TPM4: variants seen among roughly 807,000 people sequenced by gnomAD.
The protein encoded by TPM4 is tropomyosin 4.
In TPM4, 17 loss-of-function variants were observed where a neutral mutation model predicts 35.8. The ratio of observed to expected loss-of-function variants is 0.47; its 90% CI spans 0.32 to 0.71. The LOEUF (loss-of-function observed/expected upper bound fraction) is 0.71, where lower values mean the gene tolerates loss of function less well. Ranked by LOEUF, TPM4 falls within the 30% of genes least tolerant of loss-of-function variation. The pLI is 0.03. For missense variants in TPM4, 240 were observed against 320.9 expected, an observed-to-expected ratio of 0.75 and a Z score of 1.93; for synonymous variants, 120 against 122.9, an observed-to-expected ratio of 0.98 and a Z score of 0.15.
chr19:16,096,524 G>T (rs950731980), intron 7 of TPM4, among the ~76,000 whole-genome samples: 2 of 152,214 alleles, frequency 1.3e-5, no homozygotes, highest in Non-Finnish European at 2.9e-5. Flanking sequence ...GATTCAAACA[G>T]CGGCAGTGAC....
chr19:16,096,488 T>C (rs2090698934), intron 7 of TPM4, among the ~76,000 whole-genome samples: 1 of 152,228 alleles, frequency 6.6e-6, no homozygotes, highest in Non-Finnish European at 1.5e-5. Flanking sequence ...AAAATGAGGC[T>C]CCCCTTGAAT....
rs144078371 is a variant in TPM4, at chr19:16,089,222, A to G, written c.531+102A>G. On this transcript the variant is annotated intron_variant, in intron 5 of 7. Coordinates refer to ENST00000643579, the MANE Select transcript of TPM4 (RefSeq NM_003290.3). ...TCAGGTTATGGGGAATCTGCCCTTTATTTAACAGTAGCGTTGGTGCCTGGC... is the reference window on the plus strand; with the variant it reads ...TCAGGTTATGGGGAATCTGCCCTTTGTTTAACAGTAGCGTTGGTGCCTGGC... 6.5e-5 allele frequency: 97 copies of G among 1,481,036 alleles called. No homozygotes were observed. In the African/African-American group the frequency reaches 1.1e-3, roughly 17 times the overall value. The allele number at this position is 1,481,036 out of a possible 1,614,324, so 91.7% of individuals were successfully genotyped here.
At chr19:16,087,941 GGGC>G (rs2090577960) in intron 3 of TPM4, 83 bp from the exon 4 acceptor site, 5 of 1,395,544 alleles carry the variant, frequency 3.6e-6, no homozygotes, top group Admixed American at 2.0e-5. Flanking sequence ...GGTCTGGGTG[GGGC>G]ATCATTGGGG....
rs1298780358 is a variant in TPM4, at chr19:16,076,641, G to A, written c.76G>A (p.Asp26Asn). 1 of 1,452,556 alleles carries A rather than the reference G, an allele frequency of 6.9e-7. No homozygotes were observed. The highest frequency in any genetic ancestry group is 1.3e-5 in the South Asian group (1 of 76,106). 90.0% of individuals were successfully genotyped at this position (1,452,556 alleles called of 1,614,324 possible). The change falls in exon 1 of 8, where the codon GAC becomes AAC. Residue 26 changes from aspartate (D) to asparagine (N), a missense_variant. Asp to Asn is a conservative substitution (Grantham distance 23). Coordinates refer to ENST00000643579, the MANE Select transcript of TPM4 (RefSeq NM_003290.3). ...ALQQQADEAE[D>N]RAQGLQRELD... ...GCAGCAGCAGGCGGACGAGGCGGAA[G>A]ACCGCGCGCAGGGCCTGCAGCGGGA...
rs548341630 is a variant in TPM4, at chr19:16,085,094, A to G, written c.267-1329A>G. On this transcript the variant is annotated intron_variant, in intron 2 of 7. Coordinates refer to ENST00000643579, the MANE Select transcript of TPM4 (RefSeq NM_003290.3). Reference sequence around the variant, plus strand: ...AGTGAGACCCCATCTCTACAAAAAAATATTAAAAATTAGCCAGGCATGGTA... The same window carrying G: ...AGTGAGACCCCATCTCTACAAAAAAGTATTAAAAATTAGCCAGGCATGGTA... Among the ~76,000 whole-genome samples, 7 of 152,130 alleles carry G rather than the reference A, an allele frequency of 4.6e-5. No homozygotes were observed. The South Asian group carries it at 1.2e-3, about 27-fold the overall frequency.
intron 2 of TPM4, among the ~76,000 whole-genome samples, chr19:16,071,343 C>T (rs761348493): frequency 1.3e-5 from 2 of 152,142 alleles, no homozygotes; most frequent in Non-Finnish European, 2.9e-5. Flanking sequence ...CACACCTCCA[C>T]GCCCAGCTAG....
At chr19:16,096,743 G>A (rs1203213122) in intron 7 of TPM4, among the ~76,000 whole-genome samples, 1 of 152,118 alleles carries the variant, frequency 6.6e-6, no homozygotes, top group Non-Finnish European at 1.5e-5. Flanking sequence ...TGTGACGTCA[G>A]AAGACGTGAA....
upstream of TPM4, chr19:16,076,388 G>T: frequency 7.2e-7 from 1 of 1,389,784 alleles, no homozygotes; most frequent in Non-Finnish European, 9.2e-7. Flanking sequence ...TGACGTCGGC[G>T]GTCCGGCCGG....
rs987715585 is a variant in TPM4 at position 16,088,731 on chromosome 19, C to T, written c.456-314C>T. On this transcript the variant is annotated intron_variant, in intron 4 of 7. Transcript: ENST00000643579. Reference sequence around the variant, plus strand: ...CCCTCAGTCCCATTCTTACACCTTCCGGAGTCGGCCTCATCAATCATAGAT... The same window carrying T: ...CCCTCAGTCCCATTCTTACACCTTCTGGAGTCGGCCTCATCAATCATAGAT... 3.6e-5 allele frequency: 40 copies of T among 1,119,776 alleles called. 1 individual carries two copies. In the South Asian group the frequency reaches 5.3e-4, roughly 15 times the overall value. 69.4% of individuals were successfully genotyped at this position (1,119,776 alleles called of 1,614,324 possible). A position where few individuals can be genotyped will look rare whatever the true frequency, so the allele number is the denominator to read the frequency against.
At chr19:16,100,800 C>T (rs1251097968) in intron 7 of TPM4, 1 of 155,820 alleles carries the variant, frequency 6.4e-6, no homozygotes, top group East Asian at 1.9e-4. Flanking sequence ...GCCTGGACAA[C>T]AGAGTGAGAC....
chr19:16,073,047 A>G (rs1232403646), upstream of TPM4, among the ~76,000 whole-genome samples: 1 of 151,970 alleles, frequency 6.6e-6, no homozygotes, highest in Non-Finnish European at 1.5e-5. Context: ...AAACCAAACA[A>G]AAAAACCCCA....
intron 7 of TPM4, among the ~76,000 whole-genome samples, chr19:16,098,327 C>T (rs534968795): frequency 3.8e-4 from 58 of 152,082 alleles, no homozygotes; most frequent in Non-Finnish European, 7.1e-4. Flanking sequence ...CCTGTAATCC[C>T]AGCTACTGGG....
upstream of TPM4, among the ~76,000 whole-genome samples, chr19:16,073,564 G>A (rs1056874989): frequency 3.9e-5 from 6 of 152,142 alleles, no homozygotes; most frequent in Admixed American, 3.3e-4. Flanking sequence ...CCACCCGGAG[G>A]TCAAGGTCAG....
chr19:16,076,282 C>A, upstream of TPM4: 1 of 1,519,248 alleles, frequency 6.6e-7, no homozygotes, highest in Non-Finnish European at 8.8e-7. Context: ...GAGAAGGCGG[C>A]GCCTCCCAGC....
intron 1 of TPM4, chr19:16,079,907 G>C: frequency 5.7e-6 from 1 of 176,092 alleles, no homozygotes; most frequent in Non-Finnish European, 1.2e-5. Flanking sequence ...TCACCATGTT[G>C]GCCAGGCTGG....
At chr19:16,096,372 G>T (rs959183137) in intron 7 of TPM4, among the ~76,000 whole-genome samples, 2 of 152,146 alleles carry the variant, frequency 1.3e-5, no homozygotes, top group African/African-American at 2.4e-5. Flanking sequence ...ATCCCCAATG[G>T]TTTTTCCTTA....
chr19:16,082,699 A>C (rs1599369923), intron 2 of TPM4, among the ~76,000 whole-genome samples: 1 of 151,624 alleles, frequency 6.6e-6, no homozygotes, highest in Non-Finnish European at 1.5e-5. Context: ...CTAGACACCA[A>C]ATTTCAGGTA....
intron 5 of TPM4, among the ~76,000 whole-genome samples, chr19:16,089,668 C>CT (rs35056151): frequency 0.073 from 9,496 of 129,432 alleles, 456 homozygotes; most frequent in Middle Eastern, 0.1. Flanking sequence ...CCACCCCCCA[C>CT]TTTTTTTTTT....
At chr19:16,074,947 T>C (rs12609899), upstream of TPM4, 51,869 of 151,972 alleles carry the variant, frequency 0.34, 9,106 homozygotes, top group East Asian at 0.5. Context: ...CAAAAATTAG[T>C]CAGTCGTGGT....
Sources: gnomAD v4.1 joint callset for allele counts (sites outside exome capture counted in the v4.1 genomes callset) on GRCh38, gnomAD v4.1.1 for gene constraint, MANE v1.5 for transcripts, NCBI Gene and HGNC (gene_info 2026-07-23, HGNC 2026-07-21) for gene names.